Variants in TBCA observed in about 807,000 individuals in gnomAD.
TBCA encodes tubulin folding cofactor A, also known as tubulin-specific chaperone A.
In TBCA, 6 loss-of-function variants were observed where a neutral mutation model predicts 15.8. The ratio of observed to expected loss-of-function variants is 0.38; its 90% CI spans 0.21 to 0.75. The LOEUF (loss-of-function observed/expected upper bound fraction) is 0.75, where lower values mean the gene tolerates loss of function less well. Ranked by LOEUF, TBCA falls within the 30% of genes least tolerant of loss-of-function variation. The pLI, the probability that TBCA is intolerant of heterozygous loss-of-function variation, is 0.46. For synonymous variants in TBCA, 32 were observed against 42.3 expected, an observed-to-expected ratio of 0.76 and a Z score of 0.94; for missense variants, 90 against 131.2, an observed-to-expected ratio of 0.69 and a Z score of 1.53.
intron 1 of TBCA, among the ~76,000 whole-genome samples, chr5:77,712,792 G>C (rs534206043): frequency 6.6e-5 from 10 of 152,086 alleles, no homozygotes; most frequent in Non-Finnish European, 1.5e-4. Flanking sequence ...AAATATTAAT[G>C]TGTATGATTG....
intron 2 of TBCA, among the ~76,000 whole-genome samples, chr5:77,697,135 C>G (rs1745890440): frequency 6.6e-6 from 1 of 152,066 alleles, no homozygotes; most frequent in Non-Finnish European, 1.5e-5. Flanking sequence ...ACAGACAAAT[C>G]CATATACATA....
At chr5:77,726,937 T>C (rs1388465532) in intron 1 of TBCA, among the ~76,000 whole-genome samples, 1 of 152,154 alleles carries the variant, frequency 6.6e-6, no homozygotes, top group Non-Finnish European at 1.5e-5. Flanking sequence ...GCCCAGGTTA[T>C]GGTATTTCAA....
intron 2 of TBCA, among the ~76,000 whole-genome samples, chr5:77,700,008 A>T (rs939737889): frequency 1.4e-5 from 2 of 144,186 alleles, no homozygotes; most frequent in African/African-American, 5.1e-5. Flanking sequence ...ACTGCATTCC[A>T]GCAAAGAGTA....
intron 1 of TBCA, among the ~76,000 whole-genome samples, chr5:77,712,000 G>A (rs1467753917): frequency 6.6e-6 from 1 of 151,998 alleles, no homozygotes; most frequent in Non-Finnish European, 1.5e-5. Context: ...CAGTTAGTGA[G>A]AACCCAATAA....
chr5:77,739,316 C>T (rs988198494), intron 1 of TBCA, among the ~76,000 whole-genome samples: 3 of 151,972 alleles, frequency 2.0e-5, no homozygotes, highest in Non-Finnish European at 4.4e-5. Context: ...CAAAAATTAG[C>T]CGGGTGTGGT....
chr5:77,730,360 C>T (rs754450620), intron 1 of TBCA, among the ~76,000 whole-genome samples: 1 of 152,100 alleles, frequency 6.6e-6, no homozygotes, highest in African/African-American at 2.4e-5. Context: ...AACATCACTG[C>T]CAACTGTTAA....
intron 2 of TBCA, among the ~76,000 whole-genome samples, chr5:77,702,042 G>A (rs1359272658): frequency 6.6e-6 from 1 of 151,990 alleles, no homozygotes; most frequent in African/African-American, 2.4e-5. Flanking sequence ...CAGAGGGAAA[G>A]GGTGGGAATG....
chr5:77,709,808 A>G (rs1746234669), intron 1 of TBCA, among the ~76,000 whole-genome samples: 1 of 152,210 alleles, frequency 6.6e-6, no homozygotes, highest in South Asian at 2.1e-4. Flanking sequence ...TATATCCAGA[A>G]AACAGAATAT....
intron 3 of TBCA, chr5:77,692,320 T>G: frequency 1.0e-6 from 1 of 985,440 alleles, no homozygotes; most frequent in Non-Finnish European, 1.2e-6. Context: ...AAGAATTTCT[T>G]AAACCTCCAT....
intron 1 of TBCA, among the ~76,000 whole-genome samples, chr5:77,734,326 T>G (rs1746843694): frequency 6.6e-6 from 1 of 152,330 alleles, no homozygotes; most frequent in Admixed American, 6.5e-5. Flanking sequence ...CTGATGGATC[T>G]GGGTAAAGAA....
At chr5:77,747,041 G>C (rs899300873) in intron 1 of TBCA, among the ~76,000 whole-genome samples, 1 of 151,994 alleles carries the variant, frequency 6.6e-6, no homozygotes, top group African/African-American at 2.4e-5. Flanking sequence ...AAAAATTTAA[G>C]CTATTATACT....
At chr5:77,715,427 T>C (rs1481029699) in intron 1 of TBCA, 9 of 579,564 alleles carry the variant, frequency 1.6e-5, no homozygotes, top group Admixed American at 5.8e-5. Context: ...TTAAGAAGGA[T>C]AGAATAGATT....
At chr5:77,746,434 G>A (rs1747189171) in intron 1 of TBCA, among the ~76,000 whole-genome samples, 1 of 152,040 alleles carries the variant, frequency 6.6e-6, no homozygotes, top group African/African-American at 2.4e-5. Context: ...AGTATTCTGG[G>A]ATAAGGGAAG....
chr5:77,724,024 T>G (rs565434517), intron 1 of TBCA, among the ~76,000 whole-genome samples: 1 of 152,180 alleles, frequency 6.6e-6, no homozygotes, highest in South Asian at 2.1e-4. Flanking sequence ...TTAGATCAGG[T>G]AATAAATTTA....
chr5:77,756,475 AT>A (rs372520292), intron 1 of TBCA, among the ~76,000 whole-genome samples: 10,811 of 152,148 alleles, frequency 0.071, 535 homozygotes, highest in African/African-American at 0.14. Flanking sequence ...ACAATCTCTC[AT>A]TTATCTATGA....
At chr5:77,725,556 C>T (rs538705131) in intron 1 of TBCA, among the ~76,000 whole-genome samples, 2 of 152,208 alleles carry the variant, frequency 1.3e-5, no homozygotes, top group African/African-American at 2.4e-5. Flanking sequence ...TAGTCTTTTC[C>T]GACTGCAGTT....
intron 1 of TBCA, among the ~76,000 whole-genome samples, chr5:77,744,245 G>A (rs942730480): frequency 2.0e-5 from 3 of 152,018 alleles, no homozygotes; most frequent in Admixed American, 1.3e-4. Flanking sequence ...TTCTCAACAT[G>A]GGCAATTGTG....
Position 77,691,235 on chromosome 5 carries a change from A to C in TBCA, c.*183T>G, listed in dbSNP as rs1745742559. On this transcript the variant is annotated 3_prime_UTR_variant, in exon 4 of 4. Transcript: ENST00000380377. ...TTAAAAATTTTGTAAAGTATAAAAT[A>C]AACAATTTTATTAGATGAACTCATT... The C allele has an allele frequency of 1.7e-6, 1 of 598,924 alleles. No individual in the cohort carries two copies. The highest frequency in any genetic ancestry group is 2.8e-6 in the Non-Finnish European group (1 of 351,212). The allele number at this position is 598,924 out of a possible 1,614,324, so 37.1% of individuals were successfully genotyped here.
intron 1 of TBCA, among the ~76,000 whole-genome samples, chr5:77,724,136 C>G (rs1383752308): frequency 6.6e-6 from 1 of 152,006 alleles, no homozygotes; most frequent in Non-Finnish European, 1.5e-5. Context: ...GGCAAATTTA[C>G]TTTTTATAGA....
Sources: gnomAD v4.1 joint callset for allele counts (sites outside exome capture counted in the v4.1 genomes callset) on GRCh38, gnomAD v4.1.1 for gene constraint, MANE v1.5 for transcripts, NCBI Gene and HGNC (gene_info 2026-07-23, HGNC 2026-07-21) for gene names.